WDPCP: variants seen among roughly 807,000 people sequenced by gnomAD.
WDPCP encodes the protein WD repeat-containing and planar cell polarity effector protein fritz homolog.
A neutral mutation model predicts 93.1 loss-of-function variants in WDPCP; 71 were observed. The ratio of observed to expected loss-of-function variants is 0.76; its 90% confidence interval spans 0.63 to 0.93. The LOEUF (loss-of-function observed/expected upper bound fraction) is 0.93. WDPCP is among the 40% of genes least tolerant of loss of function. The probability of loss-of-function intolerance (pLI) is 0.00; values close to 1 mark genes in which losing one functional copy is unlikely to be tolerated. For synonymous variants in WDPCP, 315 were observed against 315.0 expected, an observed-to-expected ratio of 1.00 and a Z score of 0.00; for missense variants, 844 against 887.4, an observed-to-expected ratio of 0.95 and a Z score of 0.62.
At chr2:63,693,680 G>A (rs1668923394) in intron 2 of WDPCP, among the ~76,000 whole-genome samples, 1 of 152,140 alleles carries the variant, frequency 6.6e-6, no homozygotes, top group South Asian at 2.1e-4. Flanking sequence ...GTAGGAGGGA[G>A]CAGATTTTGG....
intron 1 of WDPCP, among the ~76,000 whole-genome samples, chr2:63,515,107 T>C (rs970078478): frequency 6.6e-6 from 1 of 152,196 alleles, no homozygotes; most frequent in Non-Finnish European, 1.5e-5. Flanking sequence ...AGTTATTTTC[T>C]AATGAAAATT....
At chr2:63,678,800 C>T (rs759693253) in intron 2 of WDPCP, among the ~76,000 whole-genome samples, 12 of 152,180 alleles carry the variant, frequency 7.9e-5, no homozygotes, top group Non-Finnish European at 1.5e-4. Context: ...AGTGGCAAGT[C>T]GCTAGCTTCA....
chr2:63,341,379 T>C (rs1410849764), intron 12 of WDPCP, among the ~76,000 whole-genome samples: 1 of 152,228 alleles, frequency 6.6e-6, no homozygotes, highest in African/African-American at 2.4e-5. Context: ...TCCACCCTCC[T>C]CGGCCTCCCA....
At chr2:63,616,492 AG>A (rs892838288) in intron 3 of WDPCP, among the ~76,000 whole-genome samples, 2 of 152,228 alleles carry the variant, frequency 1.3e-5, no homozygotes, top group African/African-American at 2.4e-5. Context: ...AACATGCAAA[AG>A]TAAGTCTAAT....
intron 6 of WDPCP, among the ~76,000 whole-genome samples, chr2:63,445,968 A>C (rs1697833279): frequency 6.6e-6 from 1 of 152,222 alleles, no homozygotes; most frequent in Non-Finnish European, 1.5e-5. Context: ...AGAAAGGTAA[A>C]GCAATTAATC....
intron 10 of WDPCP, among the ~76,000 whole-genome samples, chr2:63,401,727 C>G (rs1694166527): frequency 6.6e-6 from 1 of 152,278 alleles, no homozygotes; most frequent in Middle Eastern, 3.4e-3. Context: ...ATTGCTTGAA[C>G]CCAGGAGGTG....
At chr2:63,742,190 C>G (rs1256604560) in intron 2 of WDPCP, among the ~76,000 whole-genome samples, 4 of 150,900 alleles carry the variant, frequency 2.7e-5, no homozygotes, top group Admixed American at 2.6e-4. Context: ...TTGTCAGTAG[C>G]CTGTTGTTCT....
chr2:63,258,550 T>A (rs967945689), intron 14 of WDPCP, among the ~76,000 whole-genome samples: 4 of 152,164 alleles, frequency 2.6e-5, no homozygotes, highest in Admixed American at 6.5e-5. Context: ...AAAGTGGAAA[T>A]CTTTTTAAAA....
chr2:63,142,921 TATACACAC>T (rs1474065013), intron 17 of WDPCP, among the ~76,000 whole-genome samples: 1 of 76,556 alleles, frequency 1.3e-5, no homozygotes, highest in African/African-American at 6.0e-5. Flanking sequence ...TACACATACA[TATACACAC>T]ACACACACAC....
chr2:63,237,607 T>C (rs1391549226), intron 14 of WDPCP, among the ~76,000 whole-genome samples: 21 of 152,076 alleles, frequency 1.4e-4, no homozygotes, highest in Non-Finnish European at 1.5e-5. Flanking sequence ...ATAATGAAAA[T>C]GTGGTACATA....
chr2:63,793,603 T>C (rs1352150442), intron 2 of WDPCP, among the ~76,000 whole-genome samples: 1 of 152,154 alleles, frequency 6.6e-6, no homozygotes, highest in Non-Finnish European at 1.5e-5. Context: ...AGAGCAAGAC[T>C]CTTTTATTAT....
intron 1 of WDPCP, among the ~76,000 whole-genome samples, chr2:63,494,686 C>A (rs1437748850): frequency 6.6e-6 from 1 of 151,752 alleles, no homozygotes. Flanking sequence ...TTTGGGAGGC[C>A]GAGGCGGGGG....
At chr2:63,323,322 G>A (rs1687268262) in intron 12 of WDPCP, among the ~76,000 whole-genome samples, 1 of 152,140 alleles carries the variant, frequency 6.6e-6, no homozygotes. Flanking sequence ...CTATAAGAAT[G>A]ATTTCTAGTA....
chr2:63,158,735 T>A (rs1186983224), intron 15 of WDPCP, among the ~76,000 whole-genome samples: 1 of 152,024 alleles, frequency 6.6e-6, no homozygotes, highest in Non-Finnish European at 1.5e-5. Flanking sequence ...TAAAAAAATA[T>A]GTTTTCTTTG....
At chr2:63,464,844 A>C (rs938020910) in intron 6 of WDPCP, among the ~76,000 whole-genome samples, 1 of 152,088 alleles carries the variant, frequency 6.6e-6, no homozygotes, top group African/African-American at 2.4e-5. Flanking sequence ...TCAAATTCAT[A>C]GAAACAGAAA....
chr2:63,715,445 A>G (rs1286479791), intron 2 of WDPCP, among the ~76,000 whole-genome samples: 1 of 152,228 alleles, frequency 6.6e-6, no homozygotes, highest in Non-Finnish European at 1.5e-5. Context: ...ATTCCTTACA[A>G]TGAGAAGCTA....
chr2:63,266,059 T>G (rs1191643831), intron 13 of WDPCP, among the ~76,000 whole-genome samples: 1 of 152,216 alleles, frequency 6.6e-6, no homozygotes, highest in African/African-American at 2.4e-5. Context: ...CATACTCATT[T>G]GTGAAAAGTT....
At chr2:63,503,149 T>A (rs1370924583) in intron 1 of WDPCP, among the ~76,000 whole-genome samples, 1 of 152,238 alleles carries the variant, frequency 6.6e-6, no homozygotes, top group Non-Finnish European at 1.5e-5. Flanking sequence ...GTTAAATAGA[T>A]CTTGTCAATT....
chr2:63,549,745 C>T (rs1257521842), intron 1 of WDPCP, among the ~76,000 whole-genome samples: 2 of 152,040 alleles, frequency 1.3e-5, no homozygotes, highest in Admixed American at 6.6e-5. Context: ...CCATCCTGGA[C>T]GACAGAGTGA....
Sources: gnomAD v4.1 joint callset for allele counts (sites outside exome capture counted in the v4.1 genomes callset) on GRCh38, gnomAD v4.1.1 for gene constraint, MANE v1.5 for transcripts, NCBI Gene and HGNC (gene_info 2026-07-23, HGNC 2026-07-21) for gene names.